Variants in SLC16A2 observed in about 807,000 individuals in gnomAD.
The protein encoded by SLC16A2 is solute carrier family 16 member 2, also known as monocarboxylate transporter 8.
A neutral mutation model predicts 27.2 loss-of-function variants in SLC16A2; 3 were observed. The ratio of observed to expected loss-of-function variants is 0.11; its 90% CI spans 0.05 to 0.28. The LOEUF is 0.28. Ranked by LOEUF, SLC16A2 falls within the 10% of genes least tolerant of loss-of-function variation. The pLI is 1.00. For synonymous variants in SLC16A2, 202 were observed against 187.8 expected (o/e 1.08, Z -0.62); for missense variants, 295 against 458.5 (o/e 0.64, Z 3.26).
At chrX:74,480,970 A>AT (rs1169591770) in intron 1 of SLC16A2, among the ~76,000 whole-genome samples, 1 of 112,509 alleles carries the variant, frequency 8.9e-6, no homozygotes. Flanking sequence ...CTTTCTCTGC[A>AT]TCTCTCGAAA....
chrX:74,495,565 C>A (rs1403458337), intron 1 of SLC16A2, among the ~76,000 whole-genome samples: 1 of 109,268 alleles, frequency 9.2e-6, no homozygotes, highest in Non-Finnish European at 1.9e-5. Context: ...TCTGCTCTTA[C>A]ATTATGCAGC....
chrX:74,421,542 A>G lies in SLC16A2; in HGVS notation c.-96A>G, dbSNP rs767967395. 2 of 1,077,106 alleles carry G rather than the reference A, an allele frequency of 1.9e-6. No homozygotes were observed. The highest frequency in any genetic ancestry group is 2.5e-5 in the Admixed American group (1 of 40,800). The allele number at this position is 1,077,106 out of a possible 1,213,427, so 88.8% of individuals were successfully genotyped here. A position where few individuals can be genotyped will look rare whatever the true frequency, so the allele number is the denominator to read the frequency against. On this transcript the variant is annotated 5_prime_UTR_variant, in exon 1 of 6. Coordinates refer to ENST00000587091, the MANE Select transcript of SLC16A2 (RefSeq NM_006517.5). ...AGGAGGAGGCAGCGGCAGCGGCAGC[A>G]GCAGCCCTCCGAGCAGCAGCAGCTG...
At chrX:74,493,834 A>G (rs2147860425) in intron 1 of SLC16A2, among the ~76,000 whole-genome samples, 1 of 111,422 alleles carries the variant, frequency 9.0e-6, no homozygotes, top group African/African-American at 3.3e-5. Context: ...AGGGCTGTCC[A>G]CCAGGAGTAA....
chrX:74,463,259 T>C (rs1311610034), intron 1 of SLC16A2, among the ~76,000 whole-genome samples: 1 of 111,954 alleles, frequency 8.9e-6, no homozygotes, highest in African/African-American at 3.2e-5. Context: ...AAATTGCAAT[T>C]GGAAAGGAAA....
chrX:74,489,961 TCACACACATACACA>T (rs1288873526), intron 1 of SLC16A2, among the ~76,000 whole-genome samples: 3 of 22,922 alleles, frequency 1.3e-4, no homozygotes, highest in African/African-American at 3.5e-4. Flanking sequence ...ATTATAAAGG[TCACACACATACACA>T]CACACACACA....
rs185550914 is a variant in SLC16A2 at position 74,426,288 on chromosome X, C to T, written c.430+4221C>T. Among the ~76,000 whole-genome samples, 293 of 112,217 alleles carry T rather than the reference C, an allele frequency of 2.6e-3. 1 individual carries two copies. The highest frequency in any genetic ancestry group is 8.3e-3 in the African/African-American group (255 of 30,902). ...TGCTGTGGTGCTTCAAGCCACACAGCCCTTGGCCAGGCATCTCTCACGTCA... is the reference window on the plus strand; with the variant it reads ...TGCTGTGGTGCTTCAAGCCACACAGTCCTTGGCCAGGCATCTCTCACGTCA... On this transcript the variant is annotated intron_variant, in intron 1 of 5. Transcript: ENST00000587091.
Position 74,421,954 on chromosome X carries a change from C to G in SLC16A2, c.317C>G (p.Ala106Gly). 1 of 1,211,337 alleles carries G rather than the reference C, an allele frequency of 8.3e-7. No individual in the cohort carries two copies. Reference sequence around the variant, plus strand: ...GGCTTCGGCTGGGTGGTGGTGTTCGCTGCCACCTGGTGCAACGGCTCCATC... The same window carrying G: ...GGCTTCGGCTGGGTGGTGGTGTTCGGTGCCACCTGGTGCAACGGCTCCATC... ...EGGFGWVVVF[A>G]ATWCNGSIFG... The change falls in exon 1 of 6, where the codon GCT becomes GGT. Residue 106 changes from alanine (A) to glycine (G), a missense_variant. Transcript: ENST00000587091.
chrX:74,508,297 A>G (rs756738738), intron 1 of SLC16A2, among the ~76,000 whole-genome samples: 1 of 112,273 alleles, frequency 8.9e-6, no homozygotes, highest in East Asian at 2.8e-4. Context: ...TATCTACAGA[A>G]CAATTGGAGA....
rs762257445 is a variant in SLC16A2 at position 74,421,596 on chromosome X, A to G, written c.-42A>G. 1 of 1,196,229 alleles carries G rather than the reference A, an allele frequency of 8.4e-7. No individual in the cohort carries two copies. Among genetic ancestry groups the G allele is most frequent in the South Asian group, 1.8e-5 (1 of 55,733 alleles). ...CAGCAGAAACAAGTACCAGCCACAA[A>G]GCGGCTCCTCTGGCCCAAGCAGCCA... On this transcript the variant is annotated 5_prime_UTR_variant, in exon 1 of 6. Coordinates refer to ENST00000587091, the MANE Select transcript of SLC16A2 (RefSeq NM_006517.5).
intron 1 of SLC16A2, among the ~76,000 whole-genome samples, chrX:74,511,554 C>A (rs971588287): frequency 3.6e-5 from 4 of 112,198 alleles, no homozygotes; most frequent in African/African-American, 1.3e-4. Context: ...AGAAAAACAC[C>A]ATCACATTAT....
At chrX:74,514,468 C>G (rs1930284075) in intron 1 of SLC16A2, among the ~76,000 whole-genome samples, 1 of 111,384 alleles carries the variant, frequency 9.0e-6, no homozygotes, top group Non-Finnish European at 1.9e-5. Context: ...CTCCAACCTC[C>G]CCGCCTCCCA....
Position 74,494,731 on chromosome X carries a change from T to C in SLC16A2, c.431-26259T>C, listed in dbSNP as rs1387068281. Among the ~76,000 whole-genome samples, 48 of 111,407 alleles carry C rather than the reference T, an allele frequency of 4.3e-4. 1 individual carries two copies. Among genetic ancestry groups the C allele is most frequent in the African/African-American group, 1.0e-3 (32 of 30,627 alleles). ...CCACTTTGATTTACAGAAGGTATTG[T>C]TAGTTCCCAAATTTTGAGATGAGAC... On this transcript the variant is annotated intron_variant, in intron 1 of 5. Transcript: ENST00000587091.
intron 1 of SLC16A2, among the ~76,000 whole-genome samples, chrX:74,439,308 CCTTT>C (rs1211087730): frequency 3.2e-5 from 3 of 93,215 alleles, no homozygotes; most frequent in Non-Finnish European, 6.3e-5. Context: ...TTCCTTTCTT[CCTTT>C]CTTTCTTTTT....
intron 1 of SLC16A2, among the ~76,000 whole-genome samples, chrX:74,465,934 T>C (rs1929242277): frequency 9.0e-6 from 1 of 110,967 alleles, no homozygotes; most frequent in Non-Finnish European, 1.9e-5. Flanking sequence ...TTTGCTCTCC[T>C]AGATCAGAAA....
chrX:74,480,224 A>G (rs1401254439), intron 1 of SLC16A2, among the ~76,000 whole-genome samples: 3 of 111,946 alleles, frequency 2.7e-5, no homozygotes, highest in Non-Finnish European at 5.6e-5. Flanking sequence ...TTGCAGTTCA[A>G]TCTCAGACTG....
chrX:74,429,470 CAAA>C (rs776083386), intron 1 of SLC16A2, among the ~76,000 whole-genome samples: 1 of 79,353 alleles, frequency 1.3e-5, no homozygotes. Flanking sequence ...GACCCTGTCT[CAAA>C]AAAAAAAAAA....
chrX:74,531,233 T>G, intron 5 of SLC16A2, 100 bp from the exon 6 acceptor site: 3 of 689,341 alleles, frequency 4.4e-6, no homozygotes, highest in Non-Finnish European at 4.7e-6. Flanking sequence ...CACGCCAAGA[T>G]TATCTGGATA....
At chrX:74,459,809 T>G (rs1237089388) in intron 1 of SLC16A2, among the ~76,000 whole-genome samples, 4 of 111,642 alleles carry the variant, frequency 3.6e-5, no homozygotes, top group Non-Finnish European at 7.5e-5. Context: ...ATAAGGAATG[T>G]CTGGAGCACA....
At chrX:74,430,235 C>T (rs1284573917) in intron 1 of SLC16A2, among the ~76,000 whole-genome samples, 1 of 112,055 alleles carries the variant, frequency 8.9e-6, no homozygotes, top group African/African-American at 3.2e-5. Context: ...GAGAAGCACA[C>T]AAATTAAGTA....
Sources: gnomAD v4.1 joint callset for allele counts (sites outside exome capture counted in the v4.1 genomes callset) on GRCh38, gnomAD v4.1.1 for gene constraint, MANE v1.5 for transcripts, NCBI Gene and HGNC (gene_info 2026-07-23, HGNC 2026-07-21) for gene names.